Variants in KLHL41 observed in about 807,000 individuals in gnomAD.
KLHL41 encodes the protein kelch like family member 41.
Under a neutral mutation model 49.2 loss-of-function variants are expected in KLHL41, and 31 were observed. The ratio of observed to expected loss-of-function variants is 0.63; its 90% confidence interval spans 0.47 to 0.85. KLHL41 has a LOEUF of 0.85. Among genes scored for constraint, KLHL41 ranks in the 40% least tolerant of loss-of-function variants. The pLI is 0.00. For synonymous variants in KLHL41, 218 were observed against 258.5 expected (o/e 0.84, Z 1.50); for missense variants, 663 against 726.7 (o/e 0.91, Z 1.01).
intron 3 of KLHL41, 76 bp downstream of exon 3, chr2:169,515,037 T>TG (rs1405520668): frequency 6.7e-6 from 4 of 593,078 alleles, no homozygotes; most frequent in African/African-American, 5.9e-5. Context: ...TTTCTTTTCT[T>TG]TTTTTTTTTT....
chr2:169,515,803 C>T (rs1355391841), intron 3 of KLHL41, among the ~76,000 whole-genome samples: 1 of 152,168 alleles, frequency 6.6e-6, no homozygotes, highest in African/African-American at 2.4e-5. Context: ...GCAATTATTT[C>T]CTCAGCAGTG....
Position 169,520,868 on chromosome 2 carries a change from G to A in KLHL41, c.1570G>A (p.Val524Ile). ...ATTTTTAATGATACCTAGATGGGATGTAATGACCGAATTTCCCCAAGAAAG... is the reference window on the plus strand; with the variant it reads ...ATTTTTAATGATACCTAGATGGGATATAATGACCGAATTTCCCCAAGAAAG... ...AFDLTTNKWD[V>I]MTEFPQERSS... The change falls in exon 5 of 6, where the codon GTA becomes ATA. Residue 524 changes from valine to isoleucine, a missense_variant. Physicochemically the swap from Val to Ile is conservative, Grantham distance 29 (BLOSUM62 3). Coordinates refer to ENST00000284669, the MANE Select transcript of KLHL41 (RefSeq NM_006063.3). 1 of 1,610,422 alleles carries A rather than the reference G, an allele frequency of 6.2e-7. No homozygotes were observed. Among genetic ancestry groups the A allele is most frequent in the Non-Finnish European group, 8.5e-7 (1 of 1,177,052 alleles).
chr2:169,512,383 T>C (rs1684042976), intron 1 of KLHL41, among the ~76,000 whole-genome samples: 1 of 152,134 alleles, frequency 6.6e-6, no homozygotes, highest in Non-Finnish European at 1.5e-5. Context: ...GACATATAGG[T>C]AGATACCTAC....
intron 4 of KLHL41, 132 bp from the exon 5 acceptor site, chr2:169,520,729 C>T (rs766978921): frequency 1.3e-5 from 9 of 669,126 alleles, no homozygotes; most frequent in South Asian, 4.0e-5. Context: ...CTGGGATTAC[C>T]GGCATGAGCC....
chr2:169,510,304 C>T lies in KLHL41; in HGVS notation c.526C>T (p.Pro176Ser). The T allele has an allele frequency of 6.2e-7, 1 of 1,614,026 alleles. No individual in the cohort carries two copies. The highest frequency in any genetic ancestry group is 8.5e-7 in the Non-Finnish European group (1 of 1,180,006). ...GGAAGAGGACTTTATGCAACTGTCTCCACAGGAACTGATCTCAGTCATTTC... is the reference window on the plus strand; with the variant it reads ...GGAAGAGGACTTTATGCAACTGTCTTCACAGGAACTGATCTCAGTCATTTC... The part of the protein sequence containing the change: ...CKEEDFMQLS[P>S]QELISVISND... The change falls in exon 1 of 6, where the codon CCA becomes TCA. Residue 176 changes from proline (P) to serine (S), a missense_variant. Around this residue, in one of 3 missense-constraint regions of KLHL41, gnomAD observed 528 missense variants for 581.0 expected, o/e 0.91. Coordinates refer to ENST00000284669, the MANE Select transcript of KLHL41 (RefSeq NM_006063.3). The surrounding 1 kb of genome is among the most constrained non-coding windows in gnomAD (Gnocchi z 4.2).
chr2:169,518,163 A>C (rs755775814), intron 3 of KLHL41, 27 bp from the exon 4 acceptor site: 8 of 1,577,910 alleles, frequency 5.1e-6, no homozygotes, highest in Non-Finnish European at 6.9e-6. Flanking sequence ...AAGGTTCTAA[A>C]AGGAACATTT....
At position 169,514,649 on chromosome 2, in the gene KLHL41, G is replaced by A. The variant is rs147650614; in HGVS notation, c.1186G>A (p.Val396Met). 2 of 1,613,772 alleles carry A rather than the reference G, an allele frequency of 1.2e-6. No individual in the cohort carries two copies. Among genetic ancestry groups the A allele is most frequent in the Admixed American group, 3.3e-5 (2 of 59,982 alleles). ...CAGGTGTCTCTTCGGTCTGGGAGAG[G>A]TGGATGATAAAATCTATGTAGTTGC... Reference protein sequence around the residue: ...SARCLFGLGEVDDKIYVVAGK... With the variant: ...SARCLFGLGEMDDKIYVVAGK... The change falls in exon 2 of 6, where the codon GTG (valine) becomes ATG (methionine). Residue 396 changes from valine to methionine, a missense_variant. Physicochemically the swap from Val to Met is conservative, Grantham distance 21. This residue lies in a region of KLHL41 where 528 missense variants were observed against 581.0 expected (regional missense o/e 0.91). Transcript: ENST00000284669.
At chr2:169,518,133 A>G in intron 3 of KLHL41, 57 bp from the exon 4 acceptor site, 1 of 1,250,604 alleles carries the variant, frequency 8.0e-7, no homozygotes. Context: ...CCAAATTATT[A>G]GTGAAGGTGC....
Position 169,524,795 on chromosome 2 carries a change from TG to T in KLHL41, c.1710-781del, listed in dbSNP as rs374818088. Among the ~76,000 whole-genome samples, 963 of 126,908 alleles carry T rather than the reference TG, an allele frequency of 7.6e-3. 9 individuals carry two copies. The highest frequency in any genetic ancestry group is 0.022 in the African/African-American group (849 of 39,078). The allele number at this position is 126,908 out of a possible 152,430, so 83.3% of individuals were successfully genotyped here. A position where few individuals can be genotyped will look rare whatever the true frequency, so the allele number is the denominator to read the frequency against. On this transcript the variant is annotated intron_variant, in intron 5 of 5. Transcript: ENST00000284669. ...CCTTTGAGGCTTGAGGACATTGATA[TG>T]GGGGGGGGAATTAAAATGGAGTGAT...
chr2:169,516,317 A>C (rs1035437894), intron 3 of KLHL41, among the ~76,000 whole-genome samples: 10 of 152,236 alleles, frequency 6.6e-5, no homozygotes, highest in Non-Finnish European at 1.5e-4. Context: ...TAAATATAGC[A>C]CAGAAAAGGC....
chr2:169,525,802 T>C lies in KLHL41; in HGVS notation c.*106T>C. Reference sequence around the variant, plus strand: ...TGTACAGACACTCATGTAGAAATTATTCAAGAAGTTATTGTCTAAGAGATG... The same window carrying C: ...TGTACAGACACTCATGTAGAAATTACTCAAGAAGTTATTGTCTAAGAGATG... On this transcript the variant is annotated 3_prime_UTR_variant, in exon 6 of 6. Coordinates refer to ENST00000284669, the MANE Select transcript of KLHL41 (RefSeq NM_006063.3). 8.3e-6 allele frequency: 5 copies of C among 605,710 alleles called. No homozygotes were observed. Among genetic ancestry groups the C allele is most frequent in the South Asian group, 7.5e-5 (3 of 40,052 alleles). 37.5% of individuals were successfully genotyped at this position (605,710 alleles called of 1,614,324 possible).
chr2:169,514,939 C>G lies in KLHL41; in HGVS notation c.1354C>G (p.Leu452Val), dbSNP rs748804824. 2 of 1,603,538 alleles carry G rather than the reference C, an allele frequency of 1.2e-6. No individual in the cohort carries two copies. Among genetic ancestry groups the G allele is most frequent in the South Asian group, 1.1e-5 (1 of 88,916 alleles). Residue 452 changes from leucine (L) to valine (V), a missense_variant, in exon 3 of 6, where the codon CTA (leucine) becomes GTA (valine). Transcript: ENST00000284669. Reference protein sequence around the residue: ...VISHKGMIYCLGGKTDDKKCT... With the variant: ...VISHKGMIYCVGGKTDDKKCT... ...TTCACATAAAGGGATGATATATTGT[C>G]TAGGAGGAAAGACAGATGACAAGTA...
Position 169,517,186 on chromosome 2 carries a change from G to GAA in KLHL41, c.1377-998_1377-997dup, listed in dbSNP as rs573912141. Among the ~76,000 whole-genome samples, 542 of 152,076 alleles carry GAA rather than the reference G, an allele frequency of 3.6e-3. 5 individuals are homozygous for GAA. The highest frequency in any genetic ancestry group is 0.012 in the African/African-American group (481 of 41,522). Reference sequence around the variant, plus strand: ...GATAACTGGTCTTTTACACAATTAAGAAAAAAATTGTCCTCACAAAAAAGT... The same window carrying GAA: ...GATAACTGGTCTTTTACACAATTAAGAAAAAAAAATTGTCCTCACAAAAAAGT... On this transcript the variant is annotated intron_variant, in intron 3 of 5. Transcript: ENST00000284669.
intron 5 of KLHL41, 110 bp from the exon 6 acceptor site, chr2:169,525,475 C>A: frequency 1.5e-6 from 1 of 663,272 alleles, no homozygotes; most frequent in Non-Finnish European, 2.7e-6. Flanking sequence ...GCATCTTCTT[C>A]TGAGTAAGAG....
chr2:169,509,997 G>T lies in KLHL41; in HGVS notation c.219G>T (p.Glu73Asp). 6.2e-7 allele frequency: 1 copy of T among 1,614,140 alleles called. No homozygotes were observed. The highest frequency in any genetic ancestry group is 8.5e-7 in the Non-Finnish European group (1 of 1,180,026). ...AAATTGATGAGGCGAAAAAAAAGGAGGTAGTGCTAGACAATGTGGATCCTG... is the reference window on the plus strand; with the variant it reads ...AAATTGATGAGGCGAAAAAAAAGGATGTAGTGCTAGACAATGTGGATCCTG... ...LSEIDEAKKK[E>D]VVLDNVDPAI... The change falls in exon 1 of 6, where the codon GAG (glutamate) becomes GAT (aspartate). Residue 73 changes from glutamate (E) to aspartate (D), a missense_variant. Coordinates refer to ENST00000284669, the MANE Select transcript of KLHL41 (RefSeq NM_006063.3).
At chr2:169,511,524 G>T (rs193132130) in intron 1 of KLHL41, among the ~76,000 whole-genome samples, 41 of 152,062 alleles carry the variant, frequency 2.7e-4, no homozygotes, top group African/African-American at 9.6e-4. Flanking sequence ...AAATTGGTCA[G>T]ATTTTCTACC....
intron 5 of KLHL41, among the ~76,000 whole-genome samples, chr2:169,523,849 C>A (rs192635730): frequency 5.0e-4 from 76 of 152,220 alleles, no homozygotes; most frequent in African/African-American, 1.7e-3. Flanking sequence ...TTTGCACAAA[C>A]CCTCCAGGTG....
intron 1 of KLHL41, among the ~76,000 whole-genome samples, chr2:169,511,685 C>T (rs1684031283): frequency 6.6e-6 from 1 of 152,130 alleles, no homozygotes; most frequent in African/African-American, 2.4e-5. Flanking sequence ...CTAGGAAAAA[C>T]TGTCTACACA....
At chr2:169,525,270 C>T (rs1684283828) in intron 5 of KLHL41, among the ~76,000 whole-genome samples, 1 of 152,198 alleles carries the variant, frequency 6.6e-6, no homozygotes, top group South Asian at 2.1e-4. Flanking sequence ...AGAGACCAGC[C>T]ATCTTCATCA....
Sources: allele counts gnomAD v4.1 joint callset (sites outside exome capture counted in the v4.1 genomes callset), GRCh38; gene constraint gnomAD v4.1.1; regional missense constraint gnomAD v4.1.1; non-coding constraint Gnocchi (gnomAD v3.1); transcripts MANE v1.5; gene names NCBI Gene and HGNC (gene_info 2026-07-23, HGNC 2026-07-21).